Variants in NOP58 observed in about 807,000 individuals in gnomAD.
NOP58 encodes the protein NOP58 ribonucleoprotein, also known as nucleolar protein 58.
Under a neutral mutation model 71.2 loss-of-function variants are expected in NOP58, and 44 were observed. The observed-to-expected ratio is 0.62, with a 90% CI of 0.49 to 0.79. NOP58 has a LOEUF of 0.79. Ranked by LOEUF, NOP58 falls within the 30% of genes least tolerant of loss-of-function variation. The pLI is 0.00. For synonymous variants in NOP58, 228 were observed against 200.3 expected (o/e 1.14, Z -1.17); for missense variants, 538 against 620.2 (o/e 0.87, Z 1.41).
chr2:202,268,188 G>T (rs1688448493), intron 1 of NOP58, among the ~76,000 whole-genome samples: 2 of 152,158 alleles, frequency 1.3e-5, no homozygotes, highest in East Asian at 3.8e-4. Flanking sequence ...TAGACATACG[G>T]TTCAAAGTTA....
intron 12 of NOP58, among the ~76,000 whole-genome samples, chr2:202,298,641 G>T (rs1001319209): frequency 6.6e-6 from 1 of 152,088 alleles, no homozygotes; most frequent in African/African-American, 2.4e-5. Flanking sequence ...CTCAAAAAAA[G>T]TTCATTCAGA....
At chr2:202,282,677 G>GA (rs1354575471) in intron 4 of NOP58, among the ~76,000 whole-genome samples, 1 of 151,910 alleles carries the variant, frequency 6.6e-6, no homozygotes, top group Non-Finnish European at 1.5e-5. Context: ...AGATATAGAA[G>GA]AACAAAAAAT....
At position 202,277,931 on chromosome 2, in the gene NOP58, CT is replaced by C. The variant is rs141914741; in HGVS notation, c.123-9del. ...ACTGCCCCCAATAACATGTTTATCT[CT>C]TTTTTTTTTAATTCTAGAGTAAAGC... On this transcript the variant is annotated intron_variant, in intron 2 of 14. Coordinates refer to ENST00000264279, the MANE Select transcript of NOP58 (RefSeq NM_015934.5). 12,423 of 1,128,526 alleles carry C rather than the reference CT, an allele frequency of 0.011. No homozygotes were observed. Among genetic ancestry groups the C allele is most frequent in the Non-Finnish European group, 0.013 (10,240 of 800,512 alleles). 69.9% of individuals were successfully genotyped at this position (1,128,526 alleles called of 1,614,324 possible). A position where few individuals can be genotyped will look rare whatever the true frequency, so the allele number is the denominator to read the frequency against.
chr2:202,267,607 A>G (rs1688439545), intron 1 of NOP58, among the ~76,000 whole-genome samples: 1 of 152,222 alleles, frequency 6.6e-6, no homozygotes, highest in African/African-American at 2.4e-5. Context: ...GCATAGCTTC[A>G]AATTCTCTTA....
rs1335923951 is a variant in NOP58 at position 202,303,461 on chromosome 2, C to T, written c.*25C>T. ...ACAGAAAGGAATTACGATTATATCA[C>T]CCGGACACACATCATGCTTAAGATT... is the stretch of plus-strand genomic sequence containing the variant. On this transcript the variant is annotated 3_prime_UTR_variant, in exon 15 of 15. Transcript: ENST00000264279. The T allele has an allele frequency of 6.3e-7, 1 of 1,597,208 alleles. No individual in the cohort carries two copies. The highest frequency in any genetic ancestry group is 1.1e-5 in the South Asian group (1 of 89,786).
At chr2:202,266,603 A>G (rs1462770452) in intron 1 of NOP58, among the ~76,000 whole-genome samples, 4 of 152,324 alleles carry the variant, frequency 2.6e-5, no homozygotes, top group South Asian at 4.1e-4. Flanking sequence ...GGCGTGAGCC[A>G]CCGTGCTCGG....
Position 202,282,492 on chromosome 2 carries a change from G to C in NOP58, c.297+20G>C, listed in dbSNP as rs1041956722. On this transcript the variant is annotated intron_variant, in intron 4 of 14. Coordinates refer to ENST00000264279, the MANE Select transcript of NOP58 (RefSeq NM_015934.5). ...ATAAAGGTAAAGTCACGATATTTTT[G>C]GTCATGCCTGCTAGTCAGATCTCAC... 4 of 1,600,516 alleles carry C rather than the reference G, an allele frequency of 2.5e-6. No homozygotes were observed. Among genetic ancestry groups the C allele is most frequent in the Non-Finnish European group, 3.4e-6 (4 of 1,176,580 alleles).
At chr2:202,274,007 A>G (rs1419142597) in intron 1 of NOP58, among the ~76,000 whole-genome samples, 2 of 152,088 alleles carry the variant, frequency 1.3e-5, no homozygotes, top group Admixed American at 1.3e-4. Flanking sequence ...TGTTGCACAG[A>G]CATTCAAAGT....
chr2:202,270,748 TCAAAA>T (rs1688500279), intron 1 of NOP58, among the ~76,000 whole-genome samples: 1 of 151,956 alleles, frequency 6.6e-6, no homozygotes, highest in African/African-American at 2.4e-5. Flanking sequence ...AGACCTCATC[TCAAAA>T]CAAAACAAAA....
At position 202,284,327 on chromosome 2, in the gene NOP58, A is replaced by G; in HGVS notation, c.298-18A>G. 1 of 1,547,726 alleles carries G rather than the reference A, an allele frequency of 6.5e-7. No homozygotes were observed. Among genetic ancestry groups the G allele is most frequent in the Non-Finnish European group, 8.8e-7 (1 of 1,138,590 alleles). On this transcript the variant is annotated intron_variant, in intron 4 of 14. Coordinates refer to ENST00000264279, the MANE Select transcript of NOP58 (RefSeq NM_015934.5). The stretch of plus-strand genomic sequence containing the variant: ...TCTTTTTTTTTTTAATTTAATATAG[A>G]TGTTCATGTTCTTGTAGGAAAAGCT...
intron 3 of NOP58, among the ~76,000 whole-genome samples, chr2:202,279,518 C>T (rs1688665398): frequency 6.6e-6 from 1 of 152,156 alleles, no homozygotes; most frequent in Non-Finnish European, 1.5e-5. Flanking sequence ...TACAATAAGG[C>T]TGGGTGCGGT....
At chr2:202,282,541 C>T in intron 4 of NOP58, 69 bp downstream of exon 4, 1 of 1,450,606 alleles carries the variant, frequency 6.9e-7, no homozygotes, top group East Asian at 2.3e-5. Context: ...CAAAGCCTAG[C>T]CTTTGCAATA....
intron 14 of NOP58, 27 bp from the exon 15 acceptor site, chr2:202,303,359 C>G: frequency 6.2e-7 from 1 of 1,608,392 alleles, no homozygotes; most frequent in Non-Finnish European, 8.5e-7. Context: ...TCAGCTCTTT[C>G]AAAGCATTCT....
intron 12 of NOP58, chr2:202,299,727 C>T (rs1689058439): frequency 6.6e-6 from 1 of 152,086 alleles, no homozygotes; most frequent in Non-Finnish European, 1.5e-5. Context: ...AGAACAAAAG[C>T]AAATGTTGGG....
chr2:202,277,610 C>T (rs1254294657), intron 2 of NOP58, among the ~76,000 whole-genome samples: 3 of 152,020 alleles, frequency 2.0e-5, no homozygotes, highest in Admixed American at 6.6e-5. Context: ...GACTCACGTA[C>T]GTTTTCTTGA....
rs529334733 is a variant in NOP58, at chr2:202,296,159, T to C, written c.1071+322T>C. On this transcript the variant is annotated intron_variant, in intron 10 of 14. Coordinates refer to ENST00000264279, the MANE Select transcript of NOP58 (RefSeq NM_015934.5). ...TCTAACATTTACGAATCATAAAAAA[T>C]AGCATATGCATTATGCTAAAACACT... 2.0e-5 allele frequency among the ~76,000 whole-genome samples: 3 copies of C among 152,140 alleles called. No individual in the cohort carries two copies. The South Asian group carries it at 6.2e-4, about 32-fold the overall frequency.
At chr2:202,301,323 T>C (rs1009253351) in intron 13 of NOP58, among the ~76,000 whole-genome samples, 1 of 152,138 alleles carries the variant, frequency 6.6e-6, no homozygotes, top group African/African-American at 2.4e-5. Context: ...TAGCTGTGAT[T>C]ACAGGCACGC....
intron 13 of NOP58, among the ~76,000 whole-genome samples, chr2:202,300,889 T>G (rs1689080581): frequency 6.6e-6 from 1 of 152,214 alleles, no homozygotes; most frequent in African/African-American, 2.4e-5. Flanking sequence ...CTGGGTTTAT[T>G]GAACACCTAC....
At chr2:202,292,175 A>G (rs1032821033) in intron 8 of NOP58, among the ~76,000 whole-genome samples, 10 of 149,926 alleles carry the variant, frequency 6.7e-5, no homozygotes, top group African/African-American at 2.2e-4. Context: ...TGTATTTTTC[A>G]TAGAGACGGG....
Sources: allele counts gnomAD v4.1 joint callset (sites outside exome capture counted in the v4.1 genomes callset), GRCh38; gene constraint gnomAD v4.1.1; transcripts MANE v1.5; gene names NCBI Gene and HGNC (gene_info 2026-07-23, HGNC 2026-07-21).